Variants in CCSER1 observed in about 807,000 individuals in gnomAD.
CCSER1 encodes coiled-coil serine rich protein 1.
CCSER1 carries 41 observed loss-of-function variants against 82.0 expected under a neutral mutation model. That is an observed-to-expected ratio of 0.50 (90% CI 0.39 to 0.65). The LOEUF (loss-of-function observed/expected upper bound fraction) is 0.65, where lower values mean the gene tolerates loss of function less well. Ranked by LOEUF, CCSER1 falls within the 30% of genes least tolerant of loss-of-function variation. CCSER1 has a pLI of 0.00. For synonymous variants in CCSER1, 414 were observed against 383.9 expected, an observed-to-expected ratio of 1.08 and a Z score of -0.92; for missense variants, 1,119 against 1,064.2, an observed-to-expected ratio of 1.05 and a Z score of -0.72.
intron 10 of CCSER1, among the ~76,000 whole-genome samples, chr4:91,091,163 C>T (rs991234113): frequency 6.6e-6 from 1 of 152,184 alleles, no homozygotes; most frequent in Non-Finnish European, 1.5e-5. Context: ...CTATTAATGA[C>T]AGCACAAGCG....
chr4:90,996,040 AAAT>A (rs1200798074), intron 9 of CCSER1, among the ~76,000 whole-genome samples: 1 of 152,096 alleles, frequency 6.6e-6, no homozygotes, highest in Admixed American at 6.5e-5. Flanking sequence ...ATTTTGATGG[AAAT>A]AATATTTTAT....
intron 9 of CCSER1, among the ~76,000 whole-genome samples, chr4:90,970,300 G>A (rs572025575): frequency 6.6e-6 from 1 of 151,864 alleles, no homozygotes; most frequent in Non-Finnish European, 1.5e-5. Flanking sequence ...CAGTAAGGGT[G>A]AGTATAATTA....
chr4:90,496,071 T>C (rs1768947895), intron 5 of CCSER1, among the ~76,000 whole-genome samples: 1 of 147,520 alleles, frequency 6.8e-6, no homozygotes, highest in African/African-American at 2.7e-5. Flanking sequence ...ACTTATTTAA[T>C]AGTGTAACTT....
intron 5 of CCSER1, among the ~76,000 whole-genome samples, chr4:90,489,983 C>A (rs374891452): frequency 3.3e-5 from 5 of 152,224 alleles, no homozygotes; most frequent in Non-Finnish European, 7.4e-5. Context: ...AATAAACATA[C>A]GTGTGCATGT....
intron 10 of CCSER1, among the ~76,000 whole-genome samples, chr4:91,194,766 A>C (rs1317015405): frequency 6.6e-6 from 1 of 152,220 alleles, no homozygotes; most frequent in Non-Finnish European, 1.5e-5. Flanking sequence ...TTTGTGATGC[A>C]TCATATTATG....
intron 5 of CCSER1, among the ~76,000 whole-genome samples, chr4:90,484,165 C>T (rs764452106): frequency 3.9e-5 from 6 of 152,118 alleles, no homozygotes; most frequent in East Asian, 1.9e-4. Flanking sequence ...TTGATCGCAT[C>T]GGTTACTGAG....
chr4:91,421,840 TAAAAG>T lies in CCSER1; in HGVS notation c.2218-176731_2218-176727del, dbSNP rs576803294. ...AAAAACCACAATGAGAAAGGAATGATAAAAGGAAAGGCAGGTAAGCTGAGGCAACT... is the reference window on the plus strand; with the variant it reads ...AAAAACCACAATGAGAAAGGAATGATGAAAGGCAGGTAAGCTGAGGCAACT... On this transcript the variant is annotated intron_variant, in intron 10 of 10. Transcript: ENST00000509176. 8.6e-4 allele frequency among the ~76,000 whole-genome samples: 129 copies of T among 150,304 alleles called. 1 individual carries two copies. The highest frequency in any genetic ancestry group is 2.9e-3 in the African/African-American group (119 of 41,092).
chr4:91,181,384 ATCTG>A (rs1307946182), intron 10 of CCSER1, among the ~76,000 whole-genome samples: 2 of 152,218 alleles, frequency 1.3e-5, no homozygotes, highest in Non-Finnish European at 1.5e-5. Flanking sequence ...CTAGCTGCTA[ATCTG>A]TCTGTAACTC....
chr4:91,027,775 C>T (rs1400895646), intron 9 of CCSER1, among the ~76,000 whole-genome samples: 2 of 151,976 alleles, frequency 1.3e-5, no homozygotes, highest in Admixed American at 1.3e-4. Context: ...AGGAACCAGG[C>T]CCTGTTTTCT....
At chr4:90,439,943 T>C (rs971399902) in intron 4 of CCSER1, among the ~76,000 whole-genome samples, 2 of 152,186 alleles carry the variant, frequency 1.3e-5, no homozygotes, top group African/African-American at 4.8e-5. Context: ...GTATAGCCTA[T>C]GAAACAATTG....
At chr4:90,835,577 G>T (rs1761706514) in intron 8 of CCSER1, among the ~76,000 whole-genome samples, 1 of 152,062 alleles carries the variant, frequency 6.6e-6, no homozygotes, top group Non-Finnish European at 1.5e-5. Context: ...TCATACATGG[G>T]ATTTGCCCCC....
intron 9 of CCSER1, among the ~76,000 whole-genome samples, chr4:90,993,383 T>C (rs1737204321): frequency 6.6e-6 from 1 of 152,066 alleles, no homozygotes; most frequent in African/African-American, 2.4e-5. Context: ...GATGATTTAA[T>C]TTGCAGCTAT....
chr4:90,715,070 T>A (rs1478955711), intron 6 of CCSER1, among the ~76,000 whole-genome samples: 1 of 152,140 alleles, frequency 6.6e-6, no homozygotes, highest in Middle Eastern at 3.4e-3. Flanking sequence ...TATTGCTTCC[T>A]ACCTTTATAT....
chr4:90,227,559 A>C (rs1241234344), intron 1 of CCSER1, among the ~76,000 whole-genome samples: 3 of 152,188 alleles, frequency 2.0e-5, no homozygotes, highest in African/African-American at 4.8e-5. Context: ...AGCTATGAGG[A>C]ATTTTCCGAG....
chr4:90,138,460 A>G (rs927579455), intron 1 of CCSER1, among the ~76,000 whole-genome samples: 3 of 152,194 alleles, frequency 2.0e-5, no homozygotes, highest in Admixed American at 1.3e-4. Flanking sequence ...CTCCCTGGCT[A>G]TTTCATAGAC....
At chr4:90,171,204 A>G (rs1392855477) in intron 1 of CCSER1, among the ~76,000 whole-genome samples, 4 of 80,264 alleles carry the variant, frequency 5.0e-5, no homozygotes, top group African/African-American at 2.7e-4. Flanking sequence ...ACAGGAATAT[A>G]TTTTAAAAAT....
At chr4:90,792,268 C>T (rs1487642499) in intron 7 of CCSER1, among the ~76,000 whole-genome samples, 3 of 152,124 alleles carry the variant, frequency 2.0e-5, no homozygotes, top group African/African-American at 7.2e-5. Context: ...TATTCTTCTT[C>T]ATTGTCACAA....
intron 6 of CCSER1, among the ~76,000 whole-genome samples, chr4:90,718,308 C>T (rs1742018395): frequency 2.6e-5 from 4 of 152,018 alleles, no homozygotes. Flanking sequence ...TTTGTGTACT[C>T]AGAAGATTTC....
chr4:91,083,368 A>G (rs1723003740), intron 9 of CCSER1, among the ~76,000 whole-genome samples: 1 of 151,942 alleles, frequency 6.6e-6, no homozygotes, highest in African/African-American at 2.4e-5. Context: ...CAATAAGAAC[A>G]CACAGACACA....
Sources: allele counts gnomAD v4.1 joint callset (sites outside exome capture counted in the v4.1 genomes callset), GRCh38; gene constraint gnomAD v4.1.1; transcripts MANE v1.5; gene names NCBI Gene and HGNC (gene_info 2026-07-23, HGNC 2026-07-21).